Variants in KLF12 observed in about 807,000 individuals in gnomAD.
The protein encoded by KLF12 is KLF transcription factor 12, also known as Krueppel-like factor 12.
In KLF12, 9 loss-of-function variants were observed where a neutral mutation model predicts 37.8. That is an observed-to-expected ratio of 0.24 (90% CI 0.14 to 0.42). KLF12 has a LOEUF of 0.42. Ranked by LOEUF, KLF12 falls within the 10% of genes least tolerant of loss-of-function variation. The pLI is 1.00. For synonymous variants in KLF12, 208 were observed against 202.1 expected (o/e 1.03, Z -0.25); for missense variants, 411 against 516.0 (o/e 0.80, Z 1.97).
chr13:74,194,319 C>T, the KLF12 span, among the ~76,000 whole-genome samples: 1 of 152,194 alleles, frequency 6.6e-6, no homozygotes, highest in Non-Finnish European at 1.5e-5. Flanking sequence ...TTAATGGACA[C>T]TGTCTTAGTC....
intron 3 of KLF12, among the ~76,000 whole-genome samples, chr13:73,886,268 T>C (rs939787785): frequency 1.3e-5 from 2 of 152,230 alleles, no homozygotes; most frequent in Non-Finnish European, 2.9e-5. Context: ...GTTTCGTACA[T>C]GAGCATGGAG....
At chr13:74,187,144 A>C in the KLF12 span, among the ~76,000 whole-genome samples, 1 of 152,146 alleles carries the variant, frequency 6.6e-6, no homozygotes, top group Non-Finnish European at 1.5e-5. Context: ...CCTGGGCAAC[A>C]CTGCGAAACC....
At chr13:74,046,501 C>T (rs914914965) in intron 1 of KLF12, among the ~76,000 whole-genome samples, 2 of 151,756 alleles carry the variant, frequency 1.3e-5, no homozygotes, top group Non-Finnish European at 2.9e-5. Context: ...TTCCATTTCA[C>T]TTCAGAGGGT....
At chr13:73,999,529 C>G (rs999174695) in intron 1 of KLF12, among the ~76,000 whole-genome samples, 12 of 151,216 alleles carry the variant, frequency 7.9e-5, no homozygotes, top group Non-Finnish European at 1.3e-4. Flanking sequence ...GTCAGGAGAT[C>G]AAGACCATCC....
chr13:73,869,130 A>T (rs1048968889), intron 3 of KLF12, among the ~76,000 whole-genome samples: 45 of 152,118 alleles, frequency 3.0e-4, no homozygotes, highest in African/African-American at 9.4e-4. Flanking sequence ...ATACAATTTT[A>T]AAAAAACTTA....
At chr13:74,211,134 C>G in the KLF12 span, among the ~76,000 whole-genome samples, 6 of 152,166 alleles carry the variant, frequency 3.9e-5, no homozygotes, top group African/African-American at 1.4e-4. Flanking sequence ...TGACTCTTGT[C>G]TGAATCATTA....
At chr13:73,896,857 T>C (rs563451960) in intron 3 of KLF12, among the ~76,000 whole-genome samples, 1 of 152,290 alleles carries the variant, frequency 6.6e-6, no homozygotes, top group Admixed American at 6.5e-5. Flanking sequence ...AAGAAAATGA[T>C]AGAGATGAGT....
intron 4 of KLF12, among the ~76,000 whole-genome samples, chr13:73,842,275 T>C (rs1287084382): frequency 6.6e-6 from 1 of 152,192 alleles, no homozygotes; most frequent in African/African-American, 2.4e-5. Flanking sequence ...AAATACAGCT[T>C]TCTCTATTTG....
intron 4 of KLF12, chr13:73,845,130 T>C (rs1015824763): frequency 1.3e-5 from 2 of 152,212 alleles, no homozygotes; most frequent in African/African-American, 2.4e-5. Context: ...CACATAGTCA[T>C]GTAGCAAAGT....
At chr13:73,836,841 C>T (rs1354015191) in intron 4 of KLF12, among the ~76,000 whole-genome samples, 1 of 151,966 alleles carries the variant, frequency 6.6e-6, no homozygotes, top group East Asian at 1.9e-4. Context: ...AATACTTTAC[C>T]AGTAAAATGT....
the KLF12 span, among the ~76,000 whole-genome samples, chr13:74,154,959 G>C: frequency 6.6e-6 from 1 of 152,166 alleles, no homozygotes; most frequent in African/African-American, 2.4e-5. Flanking sequence ...CCTAGAATTA[G>C]CTTTCCCTTT....
the KLF12 span, among the ~76,000 whole-genome samples, chr13:74,192,059 A>G: frequency 6.6e-6 from 1 of 152,112 alleles, no homozygotes; most frequent in East Asian, 1.9e-4. Flanking sequence ...ACTTATTGTA[A>G]CTAGGCCTTG....
intron 5 of KLF12, among the ~76,000 whole-genome samples, chr13:73,806,200 G>A (rs1189085077): frequency 6.7e-6 from 1 of 150,300 alleles, no homozygotes; most frequent in African/African-American, 2.5e-5. Flanking sequence ...TCCGCCTCCC[G>A]GGTCCAAGCA....
chr13:73,885,313 T>C (rs1887171148), intron 3 of KLF12, among the ~76,000 whole-genome samples: 1 of 152,242 alleles, frequency 6.6e-6, no homozygotes, highest in South Asian at 2.1e-4. Context: ...GGCTAATCTT[T>C]GATTCATTTC....
At chr13:74,151,996 A>G in the KLF12 span, among the ~76,000 whole-genome samples, 1 of 152,218 alleles carries the variant, frequency 6.6e-6, no homozygotes, top group Non-Finnish European at 1.5e-5. Context: ...TGGAGAATAA[A>G]AAGGGCAACT....
chr13:74,201,489 A>C, the KLF12 span, among the ~76,000 whole-genome samples: 7 of 152,162 alleles, frequency 4.6e-5, no homozygotes, highest in Non-Finnish European at 7.4e-5. Context: ...TGTAAAATTC[A>C]TGTCTACTTA....
rs75693768 is a variant in KLF12, at chr13:73,872,147, T to A, written c.124-25774A>T. 4.2e-3 allele frequency among the ~76,000 whole-genome samples: 637 copies of A among 152,268 alleles called. 2 individuals are homozygous for A. Among genetic ancestry groups the A allele is most frequent in the African/African-American group, 0.015 (609 of 41,546 alleles). The stretch of plus-strand genomic sequence containing the variant: ...AAAGGGAAGGGATTCTGACACATCC[T>A]GTTCATGGTCAATGATTTGATTTTT... On this transcript the variant is annotated intron_variant, in intron 3 of 7. Coordinates refer to ENST00000377669, the MANE Select transcript of KLF12 (RefSeq NM_007249.5).
chr13:73,972,784 C>CA (rs1229930137), intron 2 of KLF12, among the ~76,000 whole-genome samples: 1 of 150,918 alleles, frequency 6.6e-6, no homozygotes, highest in Middle Eastern at 3.2e-3. Context: ...GAAGCACACT[C>CA]AAGGTTGTGT....
At chr13:73,987,454 A>G (rs1018438547) in intron 2 of KLF12, among the ~76,000 whole-genome samples, 3 of 152,106 alleles carry the variant, frequency 2.0e-5, no homozygotes, top group Non-Finnish European at 4.4e-5. Context: ...TATCATTTTT[A>G]TGATCACTCT....
Sources: allele counts gnomAD v4.1 joint callset (sites outside exome capture counted in the v4.1 genomes callset), GRCh38; gene constraint gnomAD v4.1.1; transcripts MANE v1.5; gene names NCBI Gene and HGNC (gene_info 2026-07-23, HGNC 2026-07-21).